Variants in COXFA4L3 observed in about 807,000 individuals in gnomAD.
COXFA4L3 encodes the protein cytochrome c oxidase associated subunit FA4L3.
At chr15:45,433,136 C>G in the COXFA4L3 span, 1 of 1,098,862 alleles carries the variant, frequency 9.1e-7, no homozygotes, top group Non-Finnish European at 1.4e-6. Context: ...TAGGGTTTGT[C>G]TACATTTTTT....
chr15:45,432,273 T>G, the COXFA4L3 span: 1 of 669,422 alleles, frequency 1.5e-6, no homozygotes, highest in South Asian at 2.0e-5. Context: ...TGAGGAAATT[T>G]TAAGAGCCTA....
At chr15:45,431,878 A>G in the COXFA4L3 span, among the ~76,000 whole-genome samples, 3 of 152,218 alleles carry the variant, frequency 2.0e-5, no homozygotes, top group Non-Finnish European at 4.4e-5. Flanking sequence ...CTGATGTTTA[A>G]TGTTTGAGCC....
At chr15:45,431,138 T>C in the COXFA4L3 span, 1 of 1,490,310 alleles carries the variant, frequency 6.7e-7, no homozygotes, top group Non-Finnish European at 9.2e-7. Flanking sequence ...TGGATGACTT[T>C]TAGTTTATGA....
At chr15:45,430,937 G>T in the COXFA4L3 span, 4 of 1,565,002 alleles carry the variant, frequency 2.6e-6, no homozygotes, top group Non-Finnish European at 3.5e-6. Flanking sequence ...CAGTTGTTTT[G>T]CTGTGTTTCA....
the COXFA4L3 span, chr15:45,431,107 A>G: frequency 1.2e-6 from 2 of 1,601,012 alleles, no homozygotes; most frequent in Non-Finnish European, 1.7e-6. Context: ...CTCAATTTAT[A>G]AAAACGTTTT....
the COXFA4L3 span, chr15:45,432,862 A>G: frequency 9.7e-7 from 1 of 1,033,636 alleles, no homozygotes; most frequent in Non-Finnish European, 1.4e-6. Context: ...TCTAAAGGGG[A>G]GTGTGGACAA....
the COXFA4L3 span, chr15:45,430,909 C>A: frequency 6.4e-7 from 1 of 1,569,070 alleles, no homozygotes; most frequent in Non-Finnish European, 8.7e-7. Flanking sequence ...AGATTTTGAA[C>A]AAAGTATAAA....
the COXFA4L3 span, chr15:45,432,922 T>TC: frequency 6.3e-7 from 1 of 1,583,344 alleles, no homozygotes; most frequent in Non-Finnish European, 8.6e-7. Context: ...ACAAAAGGTT[T>TC]TTTTTTTTTC....
the COXFA4L3 span, chr15:45,432,880 A>T: frequency 7.4e-7 from 1 of 1,352,436 alleles, no homozygotes; most frequent in Non-Finnish European, 1.0e-6. Context: ...CAAATCCGAA[A>T]GAGGGACATG....
At chr15:45,431,160 T>G in the COXFA4L3 span, 5 of 1,300,308 alleles carry the variant, frequency 3.8e-6, no homozygotes, top group Non-Finnish European at 1.1e-6. Context: ...ATGTATAAGT[T>G]TCCTATTTTT....
At chr15:45,431,933 C>A in the COXFA4L3 span, 1 of 687,048 alleles carries the variant, frequency 1.5e-6, no homozygotes, top group Non-Finnish European at 2.5e-6. Context: ...ATTTTAGTTG[C>A]TACTGATGGT....
At chr15:45,430,891 G>A in the COXFA4L3 span, 1 of 1,571,664 alleles carries the variant, frequency 6.4e-7, no homozygotes, top group South Asian at 1.1e-5. Flanking sequence ...AAGATGAAAA[G>A]ATGGCACAGA....
At chr15:45,430,714 C>A in the COXFA4L3 span, 1 of 1,360,410 alleles carries the variant, frequency 7.4e-7, no homozygotes, top group Non-Finnish European at 1.0e-6. Context: ...CTGCGGAGCG[C>A]GGTGGACGGT....
At chr15:45,431,413 A>G in the COXFA4L3 span, 5 of 191,908 alleles carry the variant, frequency 2.6e-5, no homozygotes, top group Non-Finnish European at 5.1e-5. Context: ...TTTTTTTTTT[A>G]AGTTTTGAAA....
chr15:45,431,034 GC>G, the COXFA4L3 span: 30 of 1,614,144 alleles, frequency 1.9e-5, no homozygotes, highest in Non-Finnish European at 2.5e-5. Context: ...GACTGTGGCG[GC>G]GGGTGGAGCC....
the COXFA4L3 span, among the ~76,000 whole-genome samples, chr15:45,432,535 C>T: frequency 2.0e-5 from 3 of 152,128 alleles, no homozygotes; most frequent in African/African-American, 4.8e-5. Context: ...TGTAGTAGAA[C>T]GCACCTGTAA....
At chr15:45,431,980 C>A in the COXFA4L3 span, 1 of 1,057,184 alleles carries the variant, frequency 9.5e-7, no homozygotes, top group Non-Finnish European at 1.4e-6. Flanking sequence ...TAGTATGAGA[C>A]TGGTTTTGTC....
the COXFA4L3 span, chr15:45,432,055 G>T: frequency 1.9e-6 from 3 of 1,609,866 alleles, no homozygotes; most frequent in Non-Finnish European, 2.5e-6. Context: ...TGTTTAATTG[G>T]CTTTCTTTAA....
At chr15:45,432,440 G>A in the COXFA4L3 span, among the ~76,000 whole-genome samples, 1 of 152,206 alleles carries the variant, frequency 6.6e-6, no homozygotes, top group Non-Finnish European at 1.5e-5. Flanking sequence ...CGAGGCGGGT[G>A]GATCACTTGA....
Sources: allele counts gnomAD v4.1 joint callset (sites outside exome capture counted in the v4.1 genomes callset), GRCh38; gene constraint gnomAD v4.1.1; transcripts MANE v1.5; gene names NCBI Gene and HGNC (gene_info 2026-07-23, HGNC 2026-07-21).